IL1RAPL2: variants seen among roughly 807,000 people sequenced by gnomAD.
IL1RAPL2 encodes interleukin 1 receptor accessory protein like 2.
A neutral mutation model predicts 44.1 loss-of-function variants in IL1RAPL2; 3 were observed. The ratio of observed to expected loss-of-function variants is 0.07; its 90% CI spans 0.03 to 0.18. The LOEUF (loss-of-function observed/expected upper bound fraction) is 0.18. Among genes scored for constraint, IL1RAPL2 ranks in the 10% least tolerant of loss-of-function variants. The pLI is 1.00. For synonymous variants in IL1RAPL2, 181 were observed against 178.8 expected, an observed-to-expected ratio of 1.01 and a Z score of -0.10; for missense variants, 391 against 496.4, an observed-to-expected ratio of 0.79 and a Z score of 2.02.
In IL1RAPL2 at chrX:105,024,784, T is replaced by C. The variant is rs1420262295; in HGVS notation, c.83-170691T>C. Among the ~76,000 whole-genome samples, 3 of 111,808 alleles carry C rather than the reference T, an allele frequency of 2.7e-5. No homozygotes were observed. The Admixed American group carries it at 2.9e-4, about 11-fold the overall frequency. ...TCAGTAAAAGAAGATAGCATGTTTA[T>C]GTTGACAGAGATGGGTCAGTTACAG... is the stretch of plus-strand genomic sequence containing the variant. On this transcript the variant is annotated intron_variant, in intron 2 of 10. Transcript: ENST00000372582.
intron 6 of IL1RAPL2, among the ~76,000 whole-genome samples, chrX:105,697,877 TA>T (rs750205314): frequency 6.3e-4 from 71 of 111,871 alleles, no homozygotes; most frequent in Non-Finnish European, 1.3e-3. Context: ...AATTGCATAG[TA>T]AAAATAAGAG....
intron 6 of IL1RAPL2, among the ~76,000 whole-genome samples, chrX:105,695,387 G>A (rs1271307374): frequency 9.0e-6 from 1 of 111,616 alleles, no homozygotes; most frequent in Non-Finnish European, 1.9e-5. Flanking sequence ...GTCTTTTAGA[G>A]CATGAATATT....
chrX:105,037,080 G>A (rs1050357374), intron 2 of IL1RAPL2, among the ~76,000 whole-genome samples: 1 of 111,598 alleles, frequency 9.0e-6, no homozygotes, highest in Non-Finnish European at 1.9e-5. Context: ...AATTTTTTGA[G>A]AATCTCTTAG....
At chrX:104,610,683 C>T (rs774598178) in intron 1 of IL1RAPL2, among the ~76,000 whole-genome samples, 1 of 111,833 alleles carries the variant, frequency 8.9e-6, no homozygotes, top group African/African-American at 3.2e-5. Context: ...GAATCAATAT[C>T]TTGAAAATGG....
intron 1 of IL1RAPL2, among the ~76,000 whole-genome samples, chrX:104,644,026 G>T (rs1255760269): frequency 8.4e-4 from 94 of 111,491 alleles, no homozygotes; most frequent in Non-Finnish European, 2.3e-4. Context: ...TGGCATGGTG[G>T]TAAACAGAGA....
Position 105,183,687 on chromosome X carries a change from G to A in IL1RAPL2, c.83-11788G>A, listed in dbSNP as rs145011812. On this transcript the variant is annotated intron_variant, in intron 2 of 10. Transcript: ENST00000372582. ...GTCCCAGGGGCAGTCTCCCTGACAT[G>A]TTACACTGCTCTGTTTCCTGGAGTA... Among the ~76,000 whole-genome samples, 366 of 111,729 alleles carry A rather than the reference G, an allele frequency of 3.3e-3. 1 individual carries two copies. Among genetic ancestry groups the A allele is most frequent in the African/African-American group, 0.012 (355 of 30,666 alleles).
intron 6 of IL1RAPL2, among the ~76,000 whole-genome samples, chrX:105,489,787 T>TCTCTCTCTCTC (rs2036299898): frequency 1.5e-4 from 11 of 73,373 alleles, no homozygotes; most frequent in African/African-American, 5.4e-4. Flanking sequence ...CTTTCTCTCT[T>TCTCTCTCTCTC]TCTCTCTCTC....
chrX:104,976,688 G>A (rs1053460060), intron 2 of IL1RAPL2, among the ~76,000 whole-genome samples: 1 of 110,558 alleles, frequency 9.0e-6, no homozygotes, highest in Non-Finnish European at 1.9e-5. Flanking sequence ...AAGCCAACAA[G>A]TGTTTCTACA....
intron 2 of IL1RAPL2, among the ~76,000 whole-genome samples, chrX:105,159,982 AC>A (rs200123489): frequency 0.14 from 10,085 of 72,653 alleles, 649 homozygotes; most frequent in Admixed American, 0.25. Flanking sequence ...GACTTAAAGA[AC>A]CCCCCCCCCC....
intron 2 of IL1RAPL2, among the ~76,000 whole-genome samples, chrX:104,894,709 AG>A (rs1169608274): frequency 4.5e-5 from 5 of 111,597 alleles, no homozygotes; most frequent in African/African-American, 1.6e-4. Context: ...CCAGGTTTTT[AG>A]CTTCTTTGCA....
intron 8 of IL1RAPL2, among the ~76,000 whole-genome samples, chrX:105,741,482 G>T (rs1424709992): frequency 1.8e-5 from 2 of 111,525 alleles, no homozygotes; most frequent in African/African-American, 3.3e-5. Context: ...CAGTGTTCTT[G>T]TTGCCCACGT....
chrX:105,479,903 A>C (rs2147774175), intron 5 of IL1RAPL2, among the ~76,000 whole-genome samples: 1 of 111,667 alleles, frequency 9.0e-6, no homozygotes, highest in South Asian at 3.7e-4. Context: ...AAACATTGGT[A>C]GGTTTTGAAT....
At chrX:104,791,605 G>A (rs1308365533) in intron 2 of IL1RAPL2, among the ~76,000 whole-genome samples, 1 of 112,093 alleles carries the variant, frequency 8.9e-6, no homozygotes, top group East Asian at 2.8e-4. Flanking sequence ...TTTGTCAAAT[G>A]AGGTGCTCCC....
At chrX:105,741,729 C>A (rs181586267) in intron 8 of IL1RAPL2, among the ~76,000 whole-genome samples, 1 of 111,721 alleles carries the variant, frequency 9.0e-6, no homozygotes, top group Admixed American at 9.5e-5. Context: ...GTAAAGAAGT[C>A]TAAAAGAGAA....
intron 2 of IL1RAPL2, among the ~76,000 whole-genome samples, chrX:105,165,129 T>C (rs1434467025): frequency 8.9e-6 from 1 of 111,871 alleles, no homozygotes; most frequent in East Asian, 2.8e-4. Flanking sequence ...CTTAGATTAT[T>C]CTGCAAACCT....
chrX:105,436,970 T>C (rs1366223135), intron 5 of IL1RAPL2, among the ~76,000 whole-genome samples: 2 of 107,002 alleles, frequency 1.9e-5, no homozygotes, highest in African/African-American at 6.8e-5. Context: ...AATCATTTAG[T>C]TGATTGATTT....
chrX:104,990,417 TG>T (rs1243821355), intron 2 of IL1RAPL2, among the ~76,000 whole-genome samples: 1 of 81,944 alleles, frequency 1.2e-5, no homozygotes, highest in African/African-American at 4.2e-5. Flanking sequence ...TGGAGGTGTA[TG>T]TTTTTTTTTA....
At chrX:104,710,345 T>C (rs11092498) in intron 2 of IL1RAPL2, among the ~76,000 whole-genome samples, 41,821 of 110,201 alleles carry the variant, frequency 0.38, 6,033 homozygotes, top group East Asian at 0.47. Context: ...TGAAAACATG[T>C]TATATTAAAG....
intron 5 of IL1RAPL2, among the ~76,000 whole-genome samples, chrX:105,273,914 C>T (rs1191827325): frequency 1.8e-5 from 2 of 111,672 alleles, no homozygotes; most frequent in Non-Finnish European, 3.8e-5. Flanking sequence ...GAGAAATAAA[C>T]TAAAACTTAG....
Sources: allele counts gnomAD v4.1 joint callset (sites outside exome capture counted in the v4.1 genomes callset), GRCh38; gene constraint gnomAD v4.1.1; transcripts MANE v1.5; gene names NCBI Gene and HGNC (gene_info 2026-07-23, HGNC 2026-07-21).